Variants in RBP2 observed in about 807,000 individuals in gnomAD.
RBP2 encodes the protein retinol-binding protein 2.
Under a neutral mutation model 17.0 loss-of-function variants are expected in RBP2, and 17 were observed. That is an observed-to-expected ratio of 1.00 (90% CI 0.68 to 1.50). The LOEUF is 1.50. Among genes scored for constraint, RBP2 ranks in the 40% most tolerant of loss-of-function variants. The probability of loss-of-function intolerance (pLI) is 0.00; values close to 1 mark genes in which losing one functional copy is unlikely to be tolerated. For synonymous variants in RBP2, 48 were observed against 57.1 expected, an observed-to-expected ratio of 0.84 and a Z score of 0.72; for missense variants, 158 against 168.2, an observed-to-expected ratio of 0.94 and a Z score of 0.33.
chr3:139,465,931 C>T (rs1006695366), intron 1 of RBP2, among the ~76,000 whole-genome samples: 1 of 152,090 alleles, frequency 6.6e-6, no homozygotes, highest in Non-Finnish European at 1.5e-5. Flanking sequence ...GAGAGACGAA[C>T]GGTCTCTCGG....
intron 1 of RBP2, 96 bp from the exon 2 acceptor site, chr3:139,462,386 T>TA: frequency 7.9e-7 from 1 of 1,268,726 alleles, no homozygotes; most frequent in Non-Finnish European, 1.1e-6. Flanking sequence ...AGACACAGAT[T>TA]GTGTGTAGGC....
At position 139,476,486 on chromosome 3, in the gene RBP2, T is replaced by A; in HGVS notation, c.-27A>T. ...GTGGTGGCCACTGGTTCGGTGAGGGTTTGTGGTGGATGGCAAGGAGCAGGC... is the reference window on the plus strand; with the variant it reads ...GTGGTGGCCACTGGTTCGGTGAGGGATTGTGGTGGATGGCAAGGAGCAGGC... On this transcript the variant is annotated 5_prime_UTR_variant, in exon 1 of 4. Coordinates refer to ENST00000232217, the MANE Select transcript of RBP2 (RefSeq NM_004164.3). The A allele has an allele frequency of 6.2e-7, 1 of 1,608,530 alleles. No individual in the cohort carries two copies. The highest frequency in any genetic ancestry group is 8.5e-7 in the Non-Finnish European group (1 of 1,175,224).
At chr3:139,473,699 T>G (rs1292968399) in intron 1 of RBP2, among the ~76,000 whole-genome samples, 1 of 152,208 alleles carries the variant, frequency 6.6e-6, no homozygotes. Flanking sequence ...CAGGTTAGAT[T>G]GAAGGGGCAG....
Position 139,462,148 on chromosome 3 carries a change from G to A in RBP2, c.216C>T (p.Asp72=), listed in dbSNP as rs150567621. 3.2e-4 allele frequency: 522 copies of A among 1,614,054 alleles called. No homozygotes were observed. The highest frequency in any genetic ancestry group is 3.6e-4 in the Non-Finnish European group (428 of 1,180,006). Residue 72 remains aspartate, a synonymous_variant, in exon 2 of 4, where the codon GAC becomes GAT. Coordinates refer to ENST00000232217, the MANE Select transcript of RBP2 (RefSeq NM_004164.3). Reference sequence around the variant, plus strand: ...GGTTATCCAGGCTCTTTGTGTACTCGTCAAACTCTACTCCAACAGTGAAAT... The same window carrying A: ...GGTTATCCAGGCTCTTTGTGTACTCATCAAACTCTACTCCAACAGTGAAAT... The part of the protein sequence containing the change: ...DVDFTVGVEF[D]EYTKSLDNRH...
chr3:139,462,216 A>C lies in RBP2; in HGVS notation c.148T>G (p.Phe50Val), dbSNP rs1372739360. 2.5e-6 allele frequency: 4 copies of C among 1,614,020 alleles called. No homozygotes were observed. Among genetic ancestry groups the C allele is most frequent in the Admixed American group, 3.3e-5 (2 of 59,996 alleles). Reference protein sequence around the residue: ...TKVIDQDGDNFKTKTTSTFRN... With the variant: ...TKVIDQDGDNVKTKTTSTFRN... The stretch of plus-strand genomic sequence containing the variant: ...AATGTGCTAGTGGTTTTTGTCTTGA[A>C]GTTATCACCATCTTGATCAATAACC... Residue 50 changes from phenylalanine to valine, a missense_variant, in exon 2 of 4, where the codon TTC (phenylalanine) becomes GTC (valine). Phe to Val is a conservative substitution (Grantham distance 50). Transcript: ENST00000232217.
At chr3:139,461,937 C>T (rs1933203669) in intron 2 of RBP2, among the ~76,000 whole-genome samples, 175 bp downstream of exon 2, 1 of 152,236 alleles carries the variant, frequency 6.6e-6, no homozygotes, top group African/African-American at 2.4e-5. Context: ...CTAGGCCTGC[C>T]TCTTCCTACT....
At chr3:139,464,177 G>A (rs1933284509) in intron 1 of RBP2, among the ~76,000 whole-genome samples, 1 of 151,994 alleles carries the variant, frequency 6.6e-6, no homozygotes, top group Non-Finnish European at 1.5e-5. Context: ...TCCTTCTTTG[G>A]GTCTGGGCCT....
At chr3:139,454,963 G>A (rs1322600760) in intron 2 of RBP2, 133 bp from the exon 3 acceptor site, 3 of 768,602 alleles carry the variant, frequency 3.9e-6, no homozygotes, top group Non-Finnish European at 6.6e-6. Context: ...CAGCCTCAGG[G>A]AGCCAAGATG....
chr3:139,474,056 G>A lies in RBP2; in HGVS notation c.73+2331C>T, dbSNP rs376347894. Among the ~76,000 whole-genome samples the A allele has an allele frequency of 1.3e-4, 20 of 152,296 alleles. No individual in the cohort carries two copies. The South Asian group carries it at 3.5e-3, about 27-fold the overall frequency. On this transcript the variant is annotated intron_variant, in intron 1 of 3. Coordinates refer to ENST00000232217, the MANE Select transcript of RBP2 (RefSeq NM_004164.3). ...AGATCATGGGACAAAGAGATCAAAC[G>A]ACTTGCTCATTAGAGTGAAATCAAT...
intron 1 of RBP2, among the ~76,000 whole-genome samples, chr3:139,464,210 A>G (rs1933286645): frequency 6.6e-6 from 1 of 152,212 alleles, no homozygotes; most frequent in Non-Finnish European, 1.5e-5. Flanking sequence ...CTGTAATCCC[A>G]GCACTTTGGG....
At chr3:139,461,992 TG>T in intron 2 of RBP2, 119 bp downstream of exon 2, 3 of 1,049,098 alleles carry the variant, frequency 2.9e-6, no homozygotes, top group South Asian at 1.6e-5. Flanking sequence ...AAGGCCATCC[TG>T]GTCCTCCTTT....
In RBP2 at chr3:139,476,437, GT is replaced by G. The variant is rs776424277; in HGVS notation, c.22del (p.Thr8ProfsTer14). 14 of 1,613,778 alleles carry G rather than the reference GT, an allele frequency of 8.7e-6. No individual in the cohort carries two copies. In the South Asian group the frequency reaches 1.5e-4, roughly 18 times the overall value. MTRDQNG[T>X]WEMESNENFE... ...GTTTTCATTACTCTCCATCTCCCAG[GT>G]TCCATTCTGGTCCCTTGTCATGGTG... is the stretch of plus-strand genomic sequence containing the variant. On this transcript the variant is annotated frameshift_variant, in exon 1 of 4. Transcript: ENST00000232217. LOFTEE classifies it high-confidence loss of function.
At chr3:139,474,221 C>T (rs1028055085) in intron 1 of RBP2, among the ~76,000 whole-genome samples, 2 of 152,204 alleles carry the variant, frequency 1.3e-5, no homozygotes, top group African/African-American at 4.8e-5. Context: ...TTGTGAGCCC[C>T]TTACTCACAT....
At chr3:139,466,026 A>G (rs1009842900) in intron 1 of RBP2, among the ~76,000 whole-genome samples, 7 of 152,172 alleles carry the variant, frequency 4.6e-5, no homozygotes, top group African/African-American at 1.4e-4. Flanking sequence ...GCCATGGGGT[A>G]CAGCTCCATC....
At position 139,462,134 on chromosome 3, in the gene RBP2, C is replaced by T; in HGVS notation, c.230G>A (p.Ser77Asn). 1 of 1,614,104 alleles carries T rather than the reference C, an allele frequency of 6.2e-7. No homozygotes were observed. Among genetic ancestry groups the T allele is most frequent in the Non-Finnish European group, 8.5e-7 (1 of 1,180,014 alleles). The part of the protein sequence containing the change: ...VGVEFDEYTK[S>N]LDNRHVKALV... ...TACCTTAACATGCCGGTTATCCAGGCTCTTTGTGTACTCGTCAAACTCTAC... is the reference window on the plus strand; with the variant it reads ...TACCTTAACATGCCGGTTATCCAGGTTCTTTGTGTACTCGTCAAACTCTAC... The change falls in exon 2 of 4, where the codon AGC becomes AAC. Residue 77 changes from serine to asparagine, a missense_variant. Transcript: ENST00000232217.
At chr3:139,461,171 C>T (rs1034029662) in intron 2 of RBP2, among the ~76,000 whole-genome samples, 2 of 152,190 alleles carry the variant, frequency 1.3e-5, no homozygotes, top group African/African-American at 4.8e-5. Context: ...GGTTGGGATA[C>T]CACACGGTGA....
At chr3:139,461,839 C>T (rs1029761233) in intron 2 of RBP2, among the ~76,000 whole-genome samples, 7 of 152,168 alleles carry the variant, frequency 4.6e-5, no homozygotes, top group African/African-American at 9.7e-5. Flanking sequence ...CCACCTTGCC[C>T]TCTTCCCTCT....
Position 139,452,885 on chromosome 3 carries a change from A to G in RBP2, c.*231T>C. Reference sequence around the variant, plus strand: ...TCTAGAAATAAACGGAGATCCATATAAAGGGTTTCAAAATATGGGAGTAAT... The same window carrying G: ...TCTAGAAATAAACGGAGATCCATATGAAGGGTTTCAAAATATGGGAGTAAT... On this transcript the variant is annotated 3_prime_UTR_variant, in exon 4 of 4. Coordinates refer to ENST00000232217, the MANE Select transcript of RBP2 (RefSeq NM_004164.3). The G allele has an allele frequency of 3.5e-6, 2 of 563,480 alleles. No individual in the cohort carries two copies. Among genetic ancestry groups the G allele is most frequent in the Non-Finnish European group, 6.3e-6 (2 of 315,994 alleles). The allele number at this position is 563,480 out of a possible 1,614,324, so 34.9% of individuals were successfully genotyped here.
chr3:139,454,536 C>T (rs144603200), intron 3 of RBP2, among the ~76,000 whole-genome samples, 193 bp downstream of exon 3: 1 of 152,218 alleles, frequency 6.6e-6, no homozygotes, highest in African/African-American at 2.4e-5. Flanking sequence ...TTCACAGAAA[C>T]AGCCATATAG....
Sources: gnomAD v4.1 joint callset for allele counts (sites outside exome capture counted in the v4.1 genomes callset) on GRCh38, gnomAD v4.1.1 for gene constraint, MANE v1.5 for transcripts, NCBI Gene and HGNC (gene_info 2026-07-23, HGNC 2026-07-21) for gene names.